EHMT1: variants seen among roughly 807,000 people sequenced by gnomAD.
EHMT1 encodes the protein euchromatic histone lysine methyltransferase 1, also known as histone-lysine N-methyltransferase EHMT1.
EHMT1 carries 15 observed loss-of-function variants against 147.2 expected under a neutral mutation model. That is an observed-to-expected ratio of 0.10 (90% CI 0.07 to 0.16). The LOEUF (loss-of-function observed/expected upper bound fraction) is 0.16, where lower values mean the gene tolerates loss of function less well. EHMT1 is among the 10% of genes least tolerant of loss of function. The pLI is 1.00. For missense variants in EHMT1, 1,587 were observed against 1,772.4 expected, an observed-to-expected ratio of 0.90 and a Z score of 1.88; for synonymous variants, 795 against 709.6, an observed-to-expected ratio of 1.12 and a Z score of -1.91.
At chr9:137,647,273 C>T (rs751943707) in intron 1 of EHMT1, among the ~76,000 whole-genome samples, 11 of 152,162 alleles carry the variant, frequency 7.2e-5, no homozygotes, top group Non-Finnish European at 1.6e-4. Flanking sequence ...AGGCTGACCT[C>T]TTTGCTGTGG....
chr9:137,744,617 C>T lies in EHMT1; in HGVS notation c.1170+527C>T, dbSNP rs555078688. On this transcript the variant is annotated intron_variant, in intron 6 of 26. Coordinates refer to ENST00000460843, the MANE Select transcript of EHMT1 (RefSeq NM_024757.5). Reference sequence around the variant, plus strand: ...ACAGCCATGAGCCACGGCGCCCGCCCTCTTGAACTTGTTCTGGGCTCTAGA... The same window carrying T: ...ACAGCCATGAGCCACGGCGCCCGCCTTCTTGAACTTGTTCTGGGCTCTAGA... Among the ~76,000 whole-genome samples the T allele has an allele frequency of 1.2e-4, 18 of 152,378 alleles. 1 individual carries two copies. The South Asian group carries it at 3.7e-3, about 32-fold the overall frequency.
rs1488921905 is a variant in EHMT1, at chr9:137,732,279, C to T, written c.823+3750C>T. Among the ~76,000 whole-genome samples, 4 of 152,236 alleles carry T rather than the reference C, an allele frequency of 2.6e-5. No homozygotes were observed. Among genetic ancestry groups the T allele is most frequent in the African/African-American group, 4.8e-5 (2 of 41,472 alleles). On this transcript the variant is annotated intron_variant, in intron 4 of 26. Coordinates refer to ENST00000460843, the MANE Select transcript of EHMT1 (RefSeq NM_024757.5). This position sits in a 1 kb window ranked among gnomAD's most constrained non-coding sequence, Gnocchi z 4.6. ...CTCTTCACTCCCGCAGTTCAGCGAA[C>T]GGGAGCGTGTCACTGCCTGCAGCTC...
At chr9:137,803,012 T>G in intron 18 of EHMT1, 1 of 1,231,380 alleles carries the variant, frequency 8.1e-7, no homozygotes, top group East Asian at 3.2e-5. Flanking sequence ...CACCCCCAGG[T>G]GGGGCCACCT....
chr9:137,704,325 C>G (rs530339306), intron 1 of EHMT1, among the ~76,000 whole-genome samples: 1 of 152,118 alleles, frequency 6.6e-6, no homozygotes, highest in Non-Finnish European at 1.5e-5. Context: ...TCACTGAGCT[C>G]GGGACTTGGA....
At chr9:137,664,866 T>C (rs1009420785) in intron 1 of EHMT1, 2 of 152,190 alleles carry the variant, frequency 1.3e-5, no homozygotes, top group Non-Finnish European at 2.9e-5. Context: ...CATGTCTGGG[T>C]TGTTTGCTCT....
intron 1 of EHMT1, among the ~76,000 whole-genome samples, chr9:137,688,025 T>C (rs1215897268): frequency 6.6e-6 from 1 of 152,192 alleles, no homozygotes; most frequent in Non-Finnish European, 1.5e-5. Context: ...GTATTCTTTT[T>C]GGTTTGGAAT....
intron 4 of EHMT1, among the ~76,000 whole-genome samples, chr9:137,740,019 C>A (rs576317889): frequency 6.6e-6 from 1 of 152,162 alleles, no homozygotes; most frequent in African/African-American, 2.4e-5. Flanking sequence ...GTGGTGACCA[C>A]GCAGACTGCT....
chr9:137,712,217 GGTCA>G (rs1377010951), intron 2 of EHMT1, among the ~76,000 whole-genome samples: 2 of 152,088 alleles, frequency 1.3e-5, no homozygotes, highest in Non-Finnish European at 2.9e-5. Flanking sequence ...TTCTCTCCCT[GGTCA>G]CCCCTCCTTT....
chr9:137,812,972 TA>T (rs780553767), intron 19 of EHMT1, 33 bp from the exon 20 acceptor site: 1 of 1,612,694 alleles, frequency 6.2e-7, no homozygotes, highest in Non-Finnish European at 8.5e-7. Flanking sequence ...AAGTCAGCTT[TA>T]AATGTTTTGT....
In EHMT1 at chr9:137,728,370, A is replaced by C; in HGVS notation, c.664A>C (p.Arg222=). 1 of 1,614,266 alleles carries C rather than the reference A, an allele frequency of 6.2e-7. No individual in the cohort carries two copies. Among genetic ancestry groups the C allele is most frequent in the South Asian group, 1.1e-5 (1 of 91,080 alleles). ...GAAGCATGCAGCCAGTAAAGATCCC[A>C]GAGAAGTTCGAGAAGCTAGAGATCA... The part of the protein sequence containing the change: ...VGLHAASKDP[R]EVREARDHKE... The change falls in exon 4 of 27, where the codon AGA becomes CGA. Residue 222 remains arginine, a synonymous_variant. Coordinates refer to ENST00000460843, the MANE Select transcript of EHMT1 (RefSeq NM_024757.5).
intron 7 of EHMT1, 75 bp downstream of exon 7, chr9:137,752,483 T>C: frequency 6.5e-7 from 1 of 1,539,116 alleles, no homozygotes. Flanking sequence ...CTTCAGTTCT[T>C]TACCCAACAA....
At position 137,717,121 on chromosome 9, in the gene EHMT1, C is replaced by T. The variant is rs35570782; in HGVS notation, c.581C>T (p.Pro194Leu). 653 of 1,612,594 alleles carry T rather than the reference C, an allele frequency of 4.0e-4. 2 individuals carry two copies. In the African/African-American group the frequency reaches 8.1e-3, roughly 20 times the overall value. The change falls in exon 3 of 27, where the codon CCT becomes CTT. Residue 194 changes from proline to leucine, a missense_variant. Pro to Leu is a moderately conservative substitution (Grantham distance 98). Coordinates refer to ENST00000460843, the MANE Select transcript of EHMT1 (RefSeq NM_024757.5). ...ADTEDRKLPA[P>L]GADVKVHRAR... is the part of the protein sequence containing the mutation. ...ACAGAGGACAGGAAGCTCCCGGCCCCTGGCGCCGACGTCAAGGTCCACAGG... is the reference window on the plus strand; with the variant it reads ...ACAGAGGACAGGAAGCTCCCGGCCCTTGGCGCCGACGTCAAGGTCCACAGG...
chr9:137,818,030 A>G, intron 24 of EHMT1, 30 bp from the exon 25 acceptor site: 2 of 1,612,782 alleles, frequency 1.2e-6, no homozygotes, highest in Non-Finnish European at 1.7e-6. Context: ...GCTGCCTTCC[A>G]GGGCCTCACC....
intron 15 of EHMT1, chr9:137,789,357 T>C (rs1952313891): frequency 6.6e-6 from 1 of 152,516 alleles, no homozygotes; most frequent in Non-Finnish European, 1.5e-5. Flanking sequence ...CACCCTCTCT[T>C]CTTTCACCAG....
Position 137,784,023 on chromosome 9 carries a change from GCTGT to G in EHMT1, c.2382+1629_2382+1632del, listed in dbSNP as rs1461897687. 4 of 642,892 alleles carry G rather than the reference GCTGT, an allele frequency of 6.2e-6. No individual in the cohort carries two copies. The African/African-American group carries it at 7.3e-5, about 12-fold the overall frequency. The allele number at this position is 642,892 out of a possible 1,614,324, so 39.8% of individuals were successfully genotyped here. On this transcript the variant is annotated intron_variant, in intron 15 of 26. Coordinates refer to ENST00000460843, the MANE Select transcript of EHMT1 (RefSeq NM_024757.5). ...TCTTATATTGTAGTTTTAATTTCTA[GCTGT>G]CTTAGTCCATTTTCTCTAGCTATAA... is the stretch of plus-strand genomic sequence containing the variant.
chr9:137,799,304 C>G (rs1266284412), intron 17 of EHMT1, among the ~76,000 whole-genome samples: 1 of 152,158 alleles, frequency 6.6e-6, no homozygotes, highest in Non-Finnish European at 1.5e-5. Flanking sequence ...TGGCTGGAGG[C>G]TCCTCCCTTG....
chr9:137,716,549 G>T, intron 2 of EHMT1, 77 bp from the exon 3 acceptor site: 1 of 1,406,738 alleles, frequency 7.1e-7, no homozygotes, highest in South Asian at 1.4e-5. Flanking sequence ...TGTCATGGTG[G>T]GGGAGGAAGT....
At chr9:137,678,718 C>G (rs528099949) in intron 1 of EHMT1, among the ~76,000 whole-genome samples, 1 of 150,010 alleles carries the variant, frequency 6.7e-6, no homozygotes, top group Non-Finnish European at 1.5e-5. Context: ...GTCCCCCCCC[C>G]CGCTCCCCCC....
chr9:137,697,138 G>A (rs1174942206), intron 1 of EHMT1: 2 of 388,702 alleles, frequency 5.1e-6, no homozygotes, highest in Non-Finnish European at 5.3e-6. Context: ...AAAATTAGCT[G>A]GGCATGTTGG....
Sources: gnomAD v4.1 joint callset for allele counts (sites outside exome capture counted in the v4.1 genomes callset) on GRCh38, gnomAD v4.1.1 for gene constraint, Gnocchi (gnomAD v3.1) non-coding constraint, MANE v1.5 for transcripts, NCBI Gene and HGNC (gene_info 2026-07-23, HGNC 2026-07-21) for gene names.